Variants in PITPNB observed in about 807,000 individuals in gnomAD.
PITPNB encodes the protein phosphatidylinositol transfer protein beta.
A neutral mutation model predicts 45.9 loss-of-function variants in PITPNB; 16 were observed. That is an observed-to-expected ratio of 0.35 (90% CI 0.24 to 0.53). PITPNB has a LOEUF of 0.53. PITPNB is among the 20% of genes least tolerant of loss of function. PITPNB has a pLI of 0.93. For synonymous variants in PITPNB, 112 were observed against 108.9 expected (o/e 1.03, Z -0.18); for missense variants, 188 against 330.5 (o/e 0.57, Z 3.34).
intron 7 of PITPNB, among the ~76,000 whole-genome samples, chr22:27,892,771 T>C (rs1425582156): frequency 6.6e-6 from 1 of 152,190 alleles, no homozygotes; most frequent in Non-Finnish European, 1.5e-5. Flanking sequence ...ATCCCTAAAA[T>C]TGAAACAACT....
chr22:27,880,575 A>C (rs1210983906), intron 7 of PITPNB, among the ~76,000 whole-genome samples: 1 of 152,114 alleles, frequency 6.6e-6, no homozygotes, highest in Middle Eastern at 3.2e-3. Flanking sequence ...TTAAATTAAT[A>C]ATGGTTTCTA....
chr22:27,916,925 A>G (rs1466120303), intron 1 of PITPNB, among the ~76,000 whole-genome samples: 1 of 152,240 alleles, frequency 6.6e-6, no homozygotes, highest in Non-Finnish European at 1.5e-5. Flanking sequence ...GAATTTTAGA[A>G]AGTTGACTTG....
intron 7 of PITPNB, among the ~76,000 whole-genome samples, chr22:27,881,248 CAG>C (rs1263368873): frequency 6.6e-6 from 1 of 152,158 alleles, no homozygotes; most frequent in East Asian, 1.9e-4. Flanking sequence ...GTTTGGCAAA[CAG>C]AAATTTCTTA....
At chr22:27,887,018 C>T (rs997401481) in intron 7 of PITPNB, among the ~76,000 whole-genome samples, 8 of 152,150 alleles carry the variant, frequency 5.3e-5, no homozygotes, top group Admixed American at 2.6e-4. Context: ...GATCACTATA[C>T]CTTCAGAAGG....
chr22:27,900,019 A>G (rs1414695064), intron 3 of PITPNB, among the ~76,000 whole-genome samples: 1 of 152,046 alleles, frequency 6.6e-6, no homozygotes. Flanking sequence ...CCTGGCCAAC[A>G]TGGCAAAACC....
intron 3 of PITPNB, among the ~76,000 whole-genome samples, chr22:27,900,648 T>G (rs1346046017): frequency 1.3e-5 from 2 of 152,210 alleles, no homozygotes. Flanking sequence ...GAGGAAAATG[T>G]GCACATGGAG....
Position 27,919,227 on chromosome 22 carries a change from ACCGCCG to A in PITPNB, c.-42_-37del. ...CCCCCTCACAGCTGCCGCCGATACC[ACCGCCG>A]CCGCCGCCGCTACCGCCTCTCACAG... On this transcript the variant is annotated 5_prime_UTR_variant, in exon 1 of 12. Transcript: ENST00000335272. The A allele has an allele frequency of 6.4e-7, 1 of 1,569,348 alleles. No individual in the cohort carries two copies. The highest frequency in any genetic ancestry group is 8.7e-7 in the Non-Finnish European group (1 of 1,144,570).
intron 8 of PITPNB, among the ~76,000 whole-genome samples, chr22:27,866,655 T>C (rs528677060): frequency 6.6e-6 from 1 of 152,358 alleles, no homozygotes; most frequent in African/African-American, 2.4e-5. Flanking sequence ...TATTTAAAAC[T>C]GTGTTGGGAT....
At chr22:27,871,345 A>G (rs1934653257) in intron 8 of PITPNB, among the ~76,000 whole-genome samples, 1 of 152,258 alleles carries the variant, frequency 6.6e-6, no homozygotes, top group South Asian at 2.1e-4. Flanking sequence ...ATTGTCTTTT[A>G]ATGTTTATAC....
chr22:27,914,575 C>T (rs554436256), intron 1 of PITPNB, among the ~76,000 whole-genome samples: 9 of 152,150 alleles, frequency 5.9e-5, no homozygotes, highest in African/African-American at 2.2e-4. Context: ...TTAGTGTTCC[C>T]AGGACCCCAA....
intron 7 of PITPNB, among the ~76,000 whole-genome samples, chr22:27,886,284 T>C (rs1189860047): frequency 2.0e-5 from 3 of 152,224 alleles, no homozygotes; most frequent in Non-Finnish European, 2.9e-5. Flanking sequence ...ATGTAGCTTC[T>C]AGAAAATTAC....
intron 3 of PITPNB, among the ~76,000 whole-genome samples, chr22:27,907,592 C>G (rs992060186): frequency 8.5e-5 from 13 of 152,048 alleles, no homozygotes; most frequent in Non-Finnish European, 1.9e-4. Context: ...TTTTCCCTTT[C>G]CTGTCTCATT....
chr22:27,874,013 G>C (rs1004768578), intron 7 of PITPNB, among the ~76,000 whole-genome samples, 198 bp from the exon 8 acceptor site: 4 of 152,138 alleles, frequency 2.6e-5, no homozygotes, highest in African/African-American at 9.7e-5. Flanking sequence ...CTTTTACCTT[G>C]GGCTAAATAA....
At position 27,864,640 on chromosome 22, in the gene PITPNB, T is replaced by TA. The variant is rs1934430021; in HGVS notation, c.535-4400dup. On this transcript the variant is annotated intron_variant, in intron 8 of 11. Coordinates refer to ENST00000335272, the MANE Select transcript of PITPNB (RefSeq NM_012399.5). Reference sequence around the variant, plus strand: ...GATGGGCTATTATGCATACAGCCATTAAAAAACATTTTTTTCCAGCGGTAC... The same window carrying TA: ...GATGGGCTATTATGCATACAGCCATTAAAAAAACATTTTTTTCCAGCGGTAC... Among the ~76,000 whole-genome samples, 4 of 152,268 alleles carry TA rather than the reference T, an allele frequency of 2.6e-5. 1 individual carries two copies. In the South Asian group the frequency reaches 8.3e-4, roughly 32 times the overall value.
intron 7 of PITPNB, among the ~76,000 whole-genome samples, chr22:27,874,111 A>G (rs112502852): frequency 3.3e-5 from 5 of 152,322 alleles, no homozygotes; most frequent in African/African-American, 1.2e-4. Flanking sequence ...AAATCTTTCA[A>G]CAGTTTTTTA....
At chr22:27,892,862 G>T (rs914585985) in intron 7 of PITPNB, among the ~76,000 whole-genome samples, 2 of 152,138 alleles carry the variant, frequency 1.3e-5, no homozygotes, top group Non-Finnish European at 1.5e-5. Context: ...AGCAGGAAGG[G>T]GGCCCTAGCA....
chr22:27,880,285 G>C (rs1037729899), intron 7 of PITPNB, among the ~76,000 whole-genome samples: 5 of 152,122 alleles, frequency 3.3e-5, no homozygotes, highest in African/African-American at 9.7e-5. Flanking sequence ...CTGAAGGGAC[G>C]CTTGCTCCCT....
Position 27,860,250 on chromosome 22 carries a change from G to A in PITPNB, c.535-9C>T. 1 of 1,510,810 alleles carries A rather than the reference G, an allele frequency of 6.6e-7. No homozygotes were observed. The allele number at this position is 1,510,810 out of a possible 1,614,324, so 93.6% of individuals were successfully genotyped here. ...CTGTTTGCCAGCTCCTTCTAGATGA[G>A]AAAAATTGAAAAGGAGAAATTATGA... On this transcript the variant is annotated splice_polypyrimidine_tract_variant and intron_variant, in intron 8 of 11. Coordinates refer to ENST00000335272, the MANE Select transcript of PITPNB (RefSeq NM_012399.5).
intron 7 of PITPNB, among the ~76,000 whole-genome samples, chr22:27,877,396 GA>G (rs985181045): frequency 1.3e-5 from 2 of 151,906 alleles, no homozygotes; most frequent in African/African-American, 4.8e-5. Context: ...TCTTATTTAA[GA>G]AAAAAAGGCA....
Sources: gnomAD v4.1 joint callset for allele counts (sites outside exome capture counted in the v4.1 genomes callset) on GRCh38, gnomAD v4.1.1 for gene constraint, MANE v1.5 for transcripts, NCBI Gene and HGNC (gene_info 2026-07-23, HGNC 2026-07-21) for gene names.